UNC5B: variants seen among roughly 807,000 people sequenced by gnomAD.
The protein encoded by UNC5B is unc-5 netrin receptor B.
A neutral mutation model predicts 103.7 loss-of-function variants in UNC5B; 56 were observed. The observed-to-expected ratio is 0.54, with a 90% CI of 0.44 to 0.67. UNC5B has a LOEUF of 0.67. UNC5B is among the 30% of genes least tolerant of loss of function. UNC5B has a pLI of 0.00. For missense variants in UNC5B, 1,194 were observed against 1,284.5 expected (o/e 0.93, Z 1.08); for synonymous variants, 577 against 542.0 (o/e 1.06, Z -0.90).
rs1843268025 is a variant in UNC5B, at chr10:71,213,426, T to C, written c.79+362T>C. Among the ~76,000 whole-genome samples, 1 of 152,120 alleles carries C rather than the reference T, an allele frequency of 6.6e-6. No homozygotes were observed. The highest frequency in any genetic ancestry group is 1.5e-5 in the Non-Finnish European group (1 of 68,022). On this transcript the variant is annotated intron_variant, in intron 1 of 16. Transcript: ENST00000335350. The surrounding 1 kb of genome is among the most constrained non-coding windows in gnomAD (Gnocchi z 4.1). ...ATCCGCCCCGAAAAAGAACATTGGC[T>C]ACATAAGCAAGGTGTGCGCTCGCTG...
chr10:71,255,866 A>G (rs1288568372), intron 1 of UNC5B, among the ~76,000 whole-genome samples: 1 of 152,232 alleles, frequency 6.6e-6, no homozygotes, highest in East Asian at 1.9e-4. Context: ...ACAAAAGGCA[A>G]GAGCATAGTG....
At chr10:71,254,834 C>T (rs1475015989) in intron 1 of UNC5B, among the ~76,000 whole-genome samples, 4 of 152,198 alleles carry the variant, frequency 2.6e-5, no homozygotes, top group African/African-American at 9.6e-5. Context: ...AGGCACTGAC[C>T]CTTTCTCCAC....
intron 1 of UNC5B, among the ~76,000 whole-genome samples, chr10:71,232,717 TAAG>T: frequency 6.6e-6 from 1 of 152,306 alleles, no homozygotes; most frequent in South Asian, 2.1e-4. Flanking sequence ...GTAGCTGTGA[TAAG>T]GAAGGGGTTT....
intron 1 of UNC5B, among the ~76,000 whole-genome samples, chr10:71,230,765 G>A (rs1843666438): frequency 6.6e-6 from 1 of 152,244 alleles, no homozygotes; most frequent in African/African-American, 2.4e-5. Context: ...CCTTGTGTGG[G>A]AGGAAGGACC....
chr10:71,227,074 T>C (rs1843580374), intron 1 of UNC5B, among the ~76,000 whole-genome samples: 1 of 151,000 alleles, frequency 6.6e-6, no homozygotes, highest in Admixed American at 6.6e-5. Flanking sequence ...AACCTCCGCC[T>C]CCTGGGTTCA....
chr10:71,249,418 G>A (rs1483596176), intron 1 of UNC5B, among the ~76,000 whole-genome samples: 1 of 152,244 alleles, frequency 6.6e-6, no homozygotes, highest in African/African-American at 2.4e-5. Context: ...GGGCTCCCCA[G>A]GGGGTGGGGA....
intron 8 of UNC5B, 39 bp downstream of exon 8, chr10:71,289,029 G>A: frequency 6.2e-7 from 1 of 1,614,072 alleles, no homozygotes; most frequent in East Asian, 2.2e-5. Context: ...TCCTCTGGGG[G>A]ATCCCTGGTT....
intron 1 of UNC5B, among the ~76,000 whole-genome samples, chr10:71,235,573 C>T (rs544982771): frequency 6.6e-6 from 1 of 152,220 alleles, no homozygotes; most frequent in Non-Finnish European, 1.5e-5. Flanking sequence ...GCCAGCCAGA[C>T]GGCCACATCC....
intron 1 of UNC5B, among the ~76,000 whole-genome samples, chr10:71,228,940 G>A (rs1392489254): frequency 6.6e-6 from 1 of 152,172 alleles, no homozygotes; most frequent in Non-Finnish European, 1.5e-5. Context: ...TCCAGATTCG[G>A]TGCTCCTTCC....
At chr10:71,221,938 A>G (rs919241289) in intron 1 of UNC5B, among the ~76,000 whole-genome samples, 2 of 152,254 alleles carry the variant, frequency 1.3e-5, no homozygotes, top group Admixed American at 6.5e-5. Context: ...AAATGAGATC[A>G]TGCTTAAAAG....
Position 71,287,620 on chromosome 10 carries a change from G to T in UNC5B, c.756G>T (p.Trp252Cys). The change falls in exon 6 of 17, where the codon TGG becomes TGT. Residue 252 changes from tryptophan (W) to cysteine (C), a missense_variant. Transcript: ENST00000335350. Reference sequence around the variant, plus strand: ...CAGTGAATGGCGGCTGGTCCAGCTGGGCAGAGTGGTCACCCTGCTCCAACC... The same window carrying T: ...CAGTGAATGGCGGCTGGTCCAGCTGTGCAGAGTGGTCACCCTGCTCCAACC... ...IVYVNGGWSS[W>C]AEWSPCSNRC... is the part of the protein sequence containing the mutation. 2 of 1,605,516 alleles carry T rather than the reference G, an allele frequency of 1.2e-6. No individual in the cohort carries two copies. Among genetic ancestry groups the T allele is most frequent in the Non-Finnish European group, 1.7e-6 (2 of 1,176,372 alleles).
chr10:71,293,869 T>G lies in UNC5B; in HGVS notation c.2111T>G (p.Leu704Arg), dbSNP rs1376604014. The G allele has an allele frequency of 6.2e-7, 1 of 1,608,206 alleles. No individual in the cohort carries two copies. The highest frequency in any genetic ancestry group is 2.2e-5 in the East Asian group (1 of 44,806). The change falls in exon 13 of 17, where the codon CTC (leucine) becomes CGC (arginine). Residue 704 changes from leucine to arginine, a missense_variant. By Grantham distance (102) the Leu-to-Arg change is moderately radical (BLOSUM62 -2). Coordinates refer to ENST00000335350, the MANE Select transcript of UNC5B (RefSeq NM_170744.5). ...RLQLAVFAPALCTSLEYSLRV... is the reference protein window; with the variant it reads ...RLQLAVFAPARCTSLEYSLRV... ...CAGCTGGCCGTCTTCGCCCCCGCCC[T>G]CTGCACCTCCCTGGAGTACAGCCTC...
At chr10:71,295,996 C>T in intron 14 of UNC5B, 36 bp downstream of exon 14, 2 of 1,611,490 alleles carry the variant, frequency 1.2e-6, no homozygotes, top group Non-Finnish European at 1.7e-6. Flanking sequence ...AGGGGCACCA[C>T]TTAAGGGCTG....
At chr10:71,220,981 T>C (rs1242682605) in intron 1 of UNC5B, among the ~76,000 whole-genome samples, 1 of 152,200 alleles carries the variant, frequency 6.6e-6, no homozygotes, top group Non-Finnish European at 1.5e-5. Flanking sequence ...GGTGGAAGGA[T>C]GATCCATACA....
chr10:71,236,248 A>G (rs950434270), intron 1 of UNC5B, among the ~76,000 whole-genome samples: 4 of 152,224 alleles, frequency 2.6e-5, no homozygotes, highest in Admixed American at 1.3e-4. Context: ...GGACCTCAGG[A>G]CTGGGCAAAG....
At chr10:71,294,590 G>A (rs930120556) in intron 13 of UNC5B, among the ~76,000 whole-genome samples, 18 of 152,236 alleles carry the variant, frequency 1.2e-4, no homozygotes, top group African/African-American at 4.1e-4. Flanking sequence ...CAGGAGAGGC[G>A]GGGCTGGATG....
intron 1 of UNC5B, among the ~76,000 whole-genome samples, chr10:71,239,988 G>T (rs141205817): frequency 6.6e-6 from 1 of 152,292 alleles, no homozygotes; most frequent in Non-Finnish European, 1.5e-5. Flanking sequence ...GTGCCTGGAG[G>T]CAGGAAAGGC....
At chr10:71,274,095 G>C (rs1481029787) in intron 1 of UNC5B, among the ~76,000 whole-genome samples, 2 of 152,254 alleles carry the variant, frequency 1.3e-5, no homozygotes, top group African/African-American at 4.8e-5. Flanking sequence ...GGGTGCGGTG[G>C]CTCATGCCTG....
chr10:71,226,201 A>G (rs1290371106), intron 1 of UNC5B, among the ~76,000 whole-genome samples: 1 of 151,976 alleles, frequency 6.6e-6, no homozygotes, highest in African/African-American at 2.4e-5. Context: ...CAGCCTCTCA[A>G]GTAGCTGGGA....
Sources: gnomAD v4.1 joint callset for allele counts (sites outside exome capture counted in the v4.1 genomes callset) on GRCh38, gnomAD v4.1.1 for gene constraint, Gnocchi (gnomAD v3.1) non-coding constraint, MANE v1.5 for transcripts, NCBI Gene and HGNC (gene_info 2026-07-23, HGNC 2026-07-21) for gene names.